Variants in CNTN1 observed in about 807,000 individuals in gnomAD.
The protein encoded by CNTN1 is contactin-1.
CNTN1 carries 38 observed loss-of-function variants against 126.4 expected under a neutral mutation model. That is an observed-to-expected ratio of 0.30 (90% CI 0.23 to 0.39). The LOEUF is 0.39. Among genes scored for constraint, CNTN1 ranks in the 10% least tolerant of loss-of-function variants. CNTN1 has a pLI of 1.00. For missense variants in CNTN1, 1,009 were observed against 1,248.4 expected, an observed-to-expected ratio of 0.81 and a Z score of 2.89; for synonymous variants, 413 against 422.6, an observed-to-expected ratio of 0.98 and a Z score of 0.28.
intron 1 of CNTN1, among the ~76,000 whole-genome samples, chr12:40,878,975 T>C (rs898581806): frequency 6.6e-6 from 1 of 152,166 alleles, no homozygotes; most frequent in Non-Finnish European, 1.5e-5. Flanking sequence ...AATTAATTTT[T>C]CATAGTCCAT....
intron 1 of CNTN1, among the ~76,000 whole-genome samples, chr12:40,756,500 C>T (rs1592053025): frequency 1.3e-5 from 2 of 152,042 alleles, no homozygotes; most frequent in Admixed American, 1.3e-4. Flanking sequence ...ATAAAATTAG[C>T]ATTGGAGATT....
intron 21 of CNTN1, 117 bp from the exon 22 acceptor site, chr12:41,027,740 A>G: frequency 1.4e-6 from 1 of 736,322 alleles, no homozygotes. Context: ...GTAAACACTT[A>G]TTAAAACTAG....
chr12:41,004,730 T>C (rs1021750930), intron 17 of CNTN1, among the ~76,000 whole-genome samples: 1 of 152,244 alleles, frequency 6.6e-6, no homozygotes, highest in Non-Finnish European at 1.5e-5. Context: ...AAAGTCTGTT[T>C]TGTCAGAAAC....
At chr12:40,713,419 TATC>T (rs1040232936) in intron 1 of CNTN1, among the ~76,000 whole-genome samples, 7 of 150,700 alleles carry the variant, frequency 4.6e-5, no homozygotes, top group South Asian at 2.1e-4. Flanking sequence ...TCATGGTTGT[TATC>T]ATACTTGTTT....
intron 4 of CNTN1, among the ~76,000 whole-genome samples, chr12:40,920,375 G>T (rs1252295385): frequency 6.6e-6 from 1 of 151,720 alleles, no homozygotes; most frequent in South Asian, 2.1e-4. Flanking sequence ...GCCTCTCTCA[G>T]GTTGCACCCA....
At chr12:40,758,533 T>A (rs187961755) in intron 1 of CNTN1, among the ~76,000 whole-genome samples, 164 of 152,258 alleles carry the variant, frequency 1.1e-3, no homozygotes, top group African/African-American at 3.4e-3. Flanking sequence ...TTTTGAAACA[T>A]TTATGGACAC....
chr12:40,896,607 A>T lies in CNTN1; in HGVS notation c.-76-11750A>T, dbSNP rs1326841279. The stretch of plus-strand genomic sequence containing the variant: ...GGTTATTGTGTTCTATTTATTGTCC[A>T]TTAAGACATATCAGAAACACCAAAT... On this transcript the variant is annotated intron_variant, in intron 1 of 23. Transcript: ENST00000551295. Among the ~76,000 whole-genome samples the T allele has an allele frequency of 3.9e-5, 6 of 152,214 alleles. No homozygotes were observed. The East Asian group carries it at 1.2e-3, about 29-fold the overall frequency.
At chr12:40,928,540 T>A (rs1419106604) in intron 6 of CNTN1, among the ~76,000 whole-genome samples, 1 of 152,060 alleles carries the variant, frequency 6.6e-6, no homozygotes, top group African/African-American at 2.4e-5. Context: ...GTAGTCTAAT[T>A]TTCTGCCTCT....
rs1018143152 is a variant in CNTN1 at position 40,779,686 on chromosome 12, G to T, written c.-77+87094G>T. Among the ~76,000 whole-genome samples, 14 of 151,960 alleles carry T rather than the reference G, an allele frequency of 9.2e-5. 1 individual carries two copies. In the East Asian group the frequency reaches 2.3e-3, roughly 25 times the overall value. On this transcript the variant is annotated intron_variant, in intron 1 of 23. Transcript: ENST00000551295. ...ATTGACTGTAAAACAGTTAAGAGAT[G>T]CTTTGGAATCCAACATAGAAGTTCC...
At chr12:40,993,303 G>T in intron 17 of CNTN1, 34 bp downstream of exon 17, 1 of 1,579,614 alleles carries the variant, frequency 6.3e-7, no homozygotes, top group Non-Finnish European at 8.7e-7. Context: ...AATTTTAAAA[G>T]ATTTCTAAAT....
At chr12:41,008,863 G>A (rs1039496539) in intron 17 of CNTN1, among the ~76,000 whole-genome samples, 4 of 152,076 alleles carry the variant, frequency 2.6e-5, no homozygotes, top group Non-Finnish European at 5.9e-5. Context: ...GCACCAAACG[G>A]TAGCATGAGC....
chr12:40,941,547 G>A (rs1163345025), intron 12 of CNTN1, among the ~76,000 whole-genome samples: 1 of 151,926 alleles, frequency 6.6e-6, no homozygotes, highest in Non-Finnish European at 1.5e-5. Context: ...TAGTAATTAG[G>A]TTTTCATTTT....
intron 1 of CNTN1, among the ~76,000 whole-genome samples, chr12:40,893,633 CTTATT>C (rs576490151): frequency 1.4e-3 from 206 of 152,202 alleles, no homozygotes; most frequent in Middle Eastern, 3.4e-3. Flanking sequence ...GCTTCCTCCC[CTTATT>C]TTGTTTCTTT....
At position 40,758,437 on chromosome 12, in the gene CNTN1, T is replaced by G. The variant is rs529610062; in HGVS notation, c.-77+65845T>G. ...CCTTGGTCTTTTTCGAAGTAAAAAT[T>G]ACTGAGACAATAATTGCAAAGGTTA... On this transcript the variant is annotated intron_variant, in intron 1 of 23. Transcript: ENST00000551295. Among the ~76,000 whole-genome samples the G allele has an allele frequency of 9.2e-5, 14 of 152,198 alleles. No homozygotes were observed. In the South Asian group the frequency reaches 2.7e-3, roughly 29 times the overall value.
chr12:40,853,844 A>C (rs1414149654), intron 1 of CNTN1, among the ~76,000 whole-genome samples: 4 of 151,812 alleles, frequency 2.6e-5, no homozygotes, highest in African/African-American at 7.3e-5. Context: ...GATCATATCA[A>C]GTTATTTTGA....
chr12:40,944,336 C>A (rs1179982327), intron 14 of CNTN1, among the ~76,000 whole-genome samples, 166 bp downstream of exon 14: 1 of 151,950 alleles, frequency 6.6e-6, no homozygotes, highest in Admixed American at 6.6e-5. Flanking sequence ...TGTTGTACTG[C>A]TAAATCTTTC....
At chr12:40,736,604 T>C (rs998993055) in intron 1 of CNTN1, among the ~76,000 whole-genome samples, 4 of 152,058 alleles carry the variant, frequency 2.6e-5, no homozygotes, top group African/African-American at 4.8e-5. Flanking sequence ...TGAAGACCTA[T>C]GGTATACAAT....
At chr12:40,971,245 G>A (rs1323599541) in intron 15 of CNTN1, among the ~76,000 whole-genome samples, 1 of 152,110 alleles carries the variant, frequency 6.6e-6, no homozygotes, top group Non-Finnish European at 1.5e-5. Context: ...TTTTAATTGG[G>A]CCACAGCTTG....
At chr12:40,856,357 T>C (rs1296681643) in intron 1 of CNTN1, among the ~76,000 whole-genome samples, 2 of 152,120 alleles carry the variant, frequency 1.3e-5, no homozygotes, top group African/African-American at 2.4e-5. Context: ...TTGTGTTAGA[T>C]TGGTAGCATG....
Sources: gnomAD v4.1 joint callset for allele counts (sites outside exome capture counted in the v4.1 genomes callset) on GRCh38, gnomAD v4.1.1 for gene constraint, MANE v1.5 for transcripts, NCBI Gene and HGNC (gene_info 2026-07-23, HGNC 2026-07-21) for gene names.